Variants in NAALADL2 observed in about 807,000 individuals in gnomAD.
The protein encoded by NAALADL2 is inactive N-acetylated-alpha-linked acidic dipeptidase-like protein 2.
A neutral mutation model predicts 87.2 loss-of-function variants in NAALADL2; 76 were observed. The ratio of observed to expected loss-of-function variants is 0.87; its 90% CI spans 0.72 to 1.05. The LOEUF is 1.05. NAALADL2 is among the 50% of genes least tolerant of loss of function. NAALADL2 has a pLI of 0.00. For synonymous variants in NAALADL2, 354 were observed against 331.0 expected (o/e 1.07, Z -0.75); for missense variants, 1,089 against 945.8 (o/e 1.15, Z -1.99).
intron 2 of NAALADL2, among the ~76,000 whole-genome samples, chr3:175,119,807 C>CTG (rs1725866940): frequency 6.9e-6 from 1 of 144,238 alleles, no homozygotes; most frequent in Non-Finnish European, 1.5e-5. Context: ...ACTTATGTAT[C>CTG]TATATATAAA....
intron 9 of NAALADL2, among the ~76,000 whole-genome samples, chr3:175,554,106 T>A (rs1029694478): frequency 2.6e-5 from 4 of 152,118 alleles, no homozygotes; most frequent in African/African-American, 9.7e-5. Context: ...TGGAAGGAGC[T>A]GGCTAAATAT....
chr3:174,606,645 AG>A (rs1345788465), intron 2 of NAALADL2, among the ~76,000 whole-genome samples: 1 of 152,182 alleles, frequency 6.6e-6, no homozygotes, highest in Non-Finnish European at 1.5e-5. Context: ...AAATGAACAA[AG>A]CCTCCAAGAA....
intron 11 of NAALADL2, among the ~76,000 whole-genome samples, chr3:175,706,593 C>T (rs115843891): frequency 1.1e-3 from 162 of 152,272 alleles, no homozygotes; most frequent in African/African-American, 3.7e-3. Flanking sequence ...AACTACTGTA[C>T]TTACCAAAGG....
chr3:174,979,446 C>T (rs1403873283), intron 1 of NAALADL2, among the ~76,000 whole-genome samples: 1 of 151,626 alleles, frequency 6.6e-6, no homozygotes, highest in Non-Finnish European at 1.5e-5. Flanking sequence ...GCTGGGACTA[C>T]AGGCTCCTGC....
chr3:175,389,036 G>GA (rs1768764389), intron 5 of NAALADL2, among the ~76,000 whole-genome samples: 1 of 151,790 alleles, frequency 6.6e-6, no homozygotes, highest in Admixed American at 6.6e-5. Flanking sequence ...AATCATCCTG[G>GA]AACCATAAAC....
intron 1 of NAALADL2, among the ~76,000 whole-genome samples, chr3:174,468,237 A>G (rs1031043064): frequency 6.6e-6 from 1 of 152,190 alleles, no homozygotes; most frequent in Non-Finnish European, 1.5e-5. Flanking sequence ...GAGGTACTCA[A>G]AATTCAAATT....
chr3:175,217,593 T>G (rs1187981948), intron 2 of NAALADL2, among the ~76,000 whole-genome samples: 4 of 152,222 alleles, frequency 2.6e-5, no homozygotes, highest in African/African-American at 9.6e-5. Flanking sequence ...TTGGTACTTA[T>G]TTCTCAAGTT....
intron 1 of NAALADL2, among the ~76,000 whole-genome samples, chr3:174,516,207 T>A (rs1163799537): frequency 6.6e-6 from 1 of 152,104 alleles, no homozygotes; most frequent in African/African-American, 2.4e-5. Flanking sequence ...TTTTTCCTCA[T>A]TGCATCTTTT....
intron 5 of NAALADL2, among the ~76,000 whole-genome samples, chr3:175,335,432 G>T (rs1761878704): frequency 6.6e-6 from 1 of 152,112 alleles, no homozygotes; most frequent in Non-Finnish European, 1.5e-5. Flanking sequence ...GATAACTGAG[G>T]ATTGTTTGCA....
At chr3:175,668,640 T>G (rs1733533684) in intron 11 of NAALADL2, among the ~76,000 whole-genome samples, 1 of 152,186 alleles carries the variant, frequency 6.6e-6, no homozygotes, top group African/African-American at 2.4e-5. Flanking sequence ...TAATGATTTA[T>G]ATTTCTTTCT....
intron 1 of NAALADL2, among the ~76,000 whole-genome samples, chr3:174,878,607 T>C (rs987201061): frequency 6.6e-6 from 1 of 152,076 alleles, no homozygotes; most frequent in South Asian, 2.1e-4. Flanking sequence ...GGAGATGAAA[T>C]GATTCTAAAT....
chr3:175,700,442 G>A (rs945819361), intron 11 of NAALADL2, among the ~76,000 whole-genome samples: 1 of 152,140 alleles, frequency 6.6e-6, no homozygotes, highest in African/African-American at 2.4e-5. Context: ...GTTCTGTTAG[G>A]AAGAGAGTTA....
chr3:175,345,791 C>T (rs955304165), intron 5 of NAALADL2, among the ~76,000 whole-genome samples: 5 of 152,062 alleles, frequency 3.3e-5, no homozygotes, highest in African/African-American at 1.2e-4. Flanking sequence ...TGTTTAATAA[C>T]CAGATGACAC....
chr3:175,116,107 C>A (rs1236570699), intron 2 of NAALADL2, among the ~76,000 whole-genome samples: 1 of 151,928 alleles, frequency 6.6e-6, no homozygotes, highest in East Asian at 1.9e-4. Context: ...CTAGTTATGA[C>A]AAACCCACAG....
rs1553857592 is a variant in NAALADL2, at chr3:175,314,696, A to ATAGTTCTAAC, written c.940-9477_940-9476insGTTCTAACTA. Among the ~76,000 whole-genome samples, 1,521 of 87,836 alleles carry ATAGTTCTAAC rather than the reference A, an allele frequency of 0.017. 211 individuals carry two copies. The East Asian group carries it at 0.2, about 12-fold the overall frequency. 57.6% of individuals were successfully genotyped at this position (87,836 alleles called of 152,430 possible). Reference sequence around the variant, plus strand: ...TATATATATATATATATATATATATATATATATATATATATATATATATAT... The same window carrying ATAGTTCTAAC: ...TATATATATATATATATATATATATATAGTTCTAACTATATATATATATATATATATATAT... On this transcript the variant is annotated intron_variant, in intron 4 of 13. Coordinates refer to ENST00000454872, the MANE Select transcript of NAALADL2 (RefSeq NM_207015.3).
chr3:174,913,936 C>A (rs1336251135), intron 1 of NAALADL2, among the ~76,000 whole-genome samples: 6 of 151,656 alleles, frequency 4.0e-5, no homozygotes, highest in African/African-American at 1.5e-4. Flanking sequence ...TGAGTCCCAG[C>A]CTAAGAAAAA....
chr3:175,189,036 G>A (rs908707063), intron 2 of NAALADL2, among the ~76,000 whole-genome samples: 2 of 152,148 alleles, frequency 1.3e-5, no homozygotes, highest in Admixed American at 6.5e-5. Context: ...TTTTGTTGGT[G>A]ATAGTTATCC....
chr3:174,734,652 C>T (rs555255380), intron 2 of NAALADL2, among the ~76,000 whole-genome samples: 10 of 152,218 alleles, frequency 6.6e-5, no homozygotes, highest in African/African-American at 2.4e-4. Flanking sequence ...GTCTAGGTTG[C>T]ATTTAATTCA....
intron 2 of NAALADL2, among the ~76,000 whole-genome samples, chr3:174,600,349 G>T (rs1718318038): frequency 6.6e-6 from 1 of 151,972 alleles, no homozygotes; most frequent in South Asian, 2.1e-4. Context: ...GAGAGTTCAA[G>T]AATAGTTGGT....
Sources: allele counts gnomAD v4.1 joint callset (sites outside exome capture counted in the v4.1 genomes callset), GRCh38; gene constraint gnomAD v4.1.1; transcripts MANE v1.5; gene names NCBI Gene and HGNC (gene_info 2026-07-23, HGNC 2026-07-21).